The following UBP1 variants were observed in gnomAD, a reference collection of about 807,000 sequenced individuals.
The protein encoded by UBP1 is upstream-binding protein 1.
In UBP1, 22 loss-of-function variants were observed where a neutral mutation model predicts 76.1. The ratio of observed to expected loss-of-function variants is 0.29; its 90% CI spans 0.21 to 0.41. UBP1 has a LOEUF of 0.41. Among genes scored for constraint, UBP1 ranks in the 10% least tolerant of loss-of-function variants. The probability of loss-of-function intolerance (pLI) is 1.00; values close to 1 mark genes in which losing one functional copy is unlikely to be tolerated. For synonymous variants in UBP1, 224 were observed against 237.1 expected (o/e 0.94, Z 0.51); for missense variants, 436 against 668.1 (o/e 0.65, Z 3.83).
chr3:33,406,447 CAT>C (rs2044430329), intron 8 of UBP1, among the ~76,000 whole-genome samples: 1 of 152,086 alleles, frequency 6.6e-6, no homozygotes, highest in Non-Finnish European at 1.5e-5. Context: ...ACATATAAAA[CAT>C]AACACAGCAT....
intron 1 of UBP1, among the ~76,000 whole-genome samples, chr3:33,427,725 CCT>C (rs2045042764): frequency 1.3e-5 from 2 of 152,188 alleles, no homozygotes; most frequent in African/African-American, 4.8e-5. Context: ...ACTAATTCTC[CCT>C]CTCTTATTTA....
intron 5 of UBP1, 42 bp downstream of exon 5, chr3:33,411,539 A>C (rs1177764225): frequency 1.2e-5 from 19 of 1,544,742 alleles, no homozygotes; most frequent in Non-Finnish European, 1.7e-5. Flanking sequence ...CATGACCTAA[A>C]TAACTAGGTT....
chr3:33,407,374 T>A (rs904770101), intron 8 of UBP1, among the ~76,000 whole-genome samples: 9 of 152,252 alleles, frequency 5.9e-5, no homozygotes, highest in Non-Finnish European at 1.0e-4. Context: ...GTTAAATGGT[T>A]TATAACAGGA....
intron 1 of UBP1, among the ~76,000 whole-genome samples, chr3:33,428,642 T>C (rs951913752): frequency 5.9e-5 from 9 of 152,124 alleles, no homozygotes; most frequent in Non-Finnish European, 7.3e-5. Context: ...TAAAGATTAT[T>C]TGCTATTGAA....
At chr3:33,437,940 A>C (rs1390371430) in intron 1 of UBP1, among the ~76,000 whole-genome samples, 1 of 151,406 alleles carries the variant, frequency 6.6e-6, no homozygotes, top group Non-Finnish European at 1.5e-5. Flanking sequence ...ATTAAATACG[A>C]AAAAAAAACC....
upstream of UBP1, chr3:33,441,042 G>C (rs756636354): frequency 2.6e-5 from 4 of 152,254 alleles, no homozygotes; most frequent in Non-Finnish European, 5.9e-5. Context: ...GCCGAGAGCA[G>C]CTTGGCTATC....
intron 2 of UBP1, among the ~76,000 whole-genome samples, chr3:33,421,852 T>C (rs528536861): frequency 2.0e-5 from 3 of 152,252 alleles, no homozygotes; most frequent in South Asian, 4.2e-4. Context: ...AGTTCGAGCC[T>C]GACCAACATG....
At chr3:33,404,243 T>G (rs2044352214) in intron 8 of UBP1, among the ~76,000 whole-genome samples, 1 of 152,094 alleles carries the variant, frequency 6.6e-6, no homozygotes, top group Non-Finnish European at 1.5e-5. Context: ...ACACCCCGTC[T>G]CTACTAAAAA....
chr3:33,405,662 A>T (rs2044399362), intron 8 of UBP1, among the ~76,000 whole-genome samples: 4 of 152,154 alleles, frequency 2.6e-5, no homozygotes, highest in Admixed American at 2.6e-4. Flanking sequence ...ACCTGTCTCA[A>T]GTGTCTTGGA....
At chr3:33,396,753 G>C in intron 12 of UBP1, 1 of 584,276 alleles carries the variant, frequency 1.7e-6, no homozygotes, top group South Asian at 1.5e-5. Flanking sequence ...ACCTAAATTA[G>C]AAGTTTTGTT....
In UBP1 at chr3:33,400,991, C is replaced by T; in HGVS notation, c.1057G>A (p.Gly353Arg). The T allele has an allele frequency of 6.3e-7, 1 of 1,592,274 alleles. No homozygotes were observed. Among genetic ancestry groups the T allele is most frequent in the Non-Finnish European group, 8.5e-7 (1 of 1,172,284 alleles). Residue 353 changes from glycine to arginine, a missense_variant, in exon 10 of 16, where the codon GGA becomes AGA. By Grantham distance (125) the Gly-to-Arg change is moderately radical (BLOSUM62 -2). Around this residue, in one of 3 missense-constraint regions of UBP1, gnomAD observed 210 missense variants for 272.8 expected, o/e 0.77. Transcript: ENST00000283629. ...CCAGAGGTCTGTGAAGCTCCATCTC[C>T]CTGATGATTTGGGGAAGAAGAATTG... ...DSNSSSPNHQ[G>R]DGASQTSGEQ...
At chr3:33,415,181 A>G (rs1441907505) in intron 3 of UBP1, among the ~76,000 whole-genome samples, 1 of 152,202 alleles carries the variant, frequency 6.6e-6, no homozygotes, top group East Asian at 1.9e-4. Flanking sequence ...CTATCAGACT[A>G]ATTATTTCTA....
chr3:33,439,572 C>A (rs116833894), intron 1 of UBP1, among the ~76,000 whole-genome samples, 164 bp downstream of exon 1: 3,085 of 152,306 alleles, frequency 0.02, 58 homozygotes, highest in Admixed American at 0.056. Context: ...CGAGCAGAGG[C>A]CTTTGGGGTT....
intron 11 of UBP1, chr3:33,397,970 T>C (rs960608255): frequency 6.6e-6 from 1 of 152,216 alleles, no homozygotes; most frequent in East Asian, 1.9e-4. Flanking sequence ...ATAAATGATA[T>C]GGCATCTAGG....
intron 15 of UBP1, 61 bp from the exon 16 acceptor site, chr3:33,390,429 T>C (rs1281555503): frequency 2.5e-5 from 39 of 1,585,812 alleles, no homozygotes; most frequent in Admixed American, 3.4e-5. Context: ...GCCTATTAAA[T>C]GGAAAACTCC....
intron 9 of UBP1, among the ~76,000 whole-genome samples, 184 bp downstream of exon 9, chr3:33,402,617 A>G (rs921406074): frequency 2.0e-5 from 3 of 152,196 alleles, no homozygotes; most frequent in African/African-American, 7.2e-5. Context: ...GGCTCGGAGT[A>G]AAAAAGGCTG....
At chr3:33,393,092 G>A (rs986826035) in intron 14 of UBP1, 1 of 483,220 alleles carries the variant, frequency 2.1e-6, no homozygotes, top group Non-Finnish European at 3.5e-6. Context: ...CTAAAGGGCT[G>A]GGGGGAGGCT....
chr3:33,400,135 C>T (rs1036070767), intron 11 of UBP1, 54 bp downstream of exon 11: 53 of 1,216,236 alleles, frequency 4.4e-5, no homozygotes, highest in Non-Finnish European at 5.6e-5. Flanking sequence ...AATAAAAGCA[C>T]AGAAACAAAA....
At chr3:33,416,687 AATTTTTTTTTAAAC>A in intron 3 of UBP1, 57 bp downstream of exon 3, 1 of 1,223,178 alleles carries the variant, frequency 8.2e-7, no homozygotes, top group Non-Finnish European at 1.2e-6. Flanking sequence ...AAGTGAAATT[AATTTTTTTTTAAAC>A]AAAAACTCAT....
Sources: allele counts gnomAD v4.1 joint callset (sites outside exome capture counted in the v4.1 genomes callset), GRCh38; gene constraint gnomAD v4.1.1; regional missense constraint gnomAD v4.1.1; transcripts MANE v1.5; gene names NCBI Gene and HGNC (gene_info 2026-07-23, HGNC 2026-07-21).